Variants in NOL4 observed in about 807,000 individuals in gnomAD.
NOL4 encodes the protein cancer/testis antigen 125.
Under a neutral mutation model 75.9 loss-of-function variants are expected in NOL4, and 17 were observed. That is an observed-to-expected ratio of 0.22 (90% CI 0.15 to 0.34). NOL4 has a LOEUF of 0.34. Among genes scored for constraint, NOL4 ranks in the 10% least tolerant of loss-of-function variants. The probability of loss-of-function intolerance (pLI) is 1.00; values close to 1 mark genes in which losing one functional copy is unlikely to be tolerated. For synonymous variants in NOL4, 292 were observed against 289.9 expected (o/e 1.01, Z -0.07); for missense variants, 614 against 793.5 (o/e 0.77, Z 2.72).
chr18:33,927,220 G>C (rs1029265025), intron 9 of NOL4, among the ~76,000 whole-genome samples: 7 of 152,166 alleles, frequency 4.6e-5, no homozygotes, highest in African/African-American at 1.7e-4. Flanking sequence ...AACTGGAGAA[G>C]TGGTTTGATC....
chr18:34,185,708 T>TA (rs2034409898), intron 1 of NOL4, among the ~76,000 whole-genome samples: 3 of 152,138 alleles, frequency 2.0e-5, no homozygotes, highest in Admixed American at 2.0e-4. Context: ...TCTTTCACTT[T>TA]ATAGAGTGCA....
At chr18:34,049,815 A>G (rs1440962533) in intron 5 of NOL4, among the ~76,000 whole-genome samples, 1 of 152,098 alleles carries the variant, frequency 6.6e-6, no homozygotes, top group African/African-American at 2.4e-5. Flanking sequence ...ACAGGACTTT[A>G]TGGATGTCGC....
intron 10 of NOL4, among the ~76,000 whole-genome samples, chr18:33,858,933 A>C (rs976718519): frequency 4.6e-5 from 7 of 152,004 alleles, no homozygotes; most frequent in Non-Finnish European, 2.9e-5. Context: ...AATATCTCTA[A>C]ACTTTCAAGT....
At chr18:33,911,909 G>C (rs1182209289) in intron 9 of NOL4, among the ~76,000 whole-genome samples, 2 of 151,966 alleles carry the variant, frequency 1.3e-5, no homozygotes, top group Admixed American at 1.3e-4. Flanking sequence ...CCTGAGTTTA[G>C]ACCTTTTTGC....
Position 34,142,409 on chromosome 18 carries a change from T to C in NOL4, c.265-12389A>G, listed in dbSNP as rs567552699. ...ATGTTTATTGTGGCACTATTCACAA[T>C]AGCAAAGAATTGGAACCAACCCAAA... On this transcript the variant is annotated intron_variant, in intron 1 of 10. Coordinates refer to ENST00000261592, the MANE Select transcript of NOL4 (RefSeq NM_003787.5). 6.6e-5 allele frequency among the ~76,000 whole-genome samples: 10 copies of C among 152,240 alleles called. No homozygotes were observed. The East Asian group carries it at 1.7e-3, about 26-fold the overall frequency.
intron 1 of NOL4, among the ~76,000 whole-genome samples, chr18:34,149,065 C>T (rs778613960): frequency 6.6e-6 from 1 of 151,584 alleles, no homozygotes; most frequent in African/African-American, 2.4e-5. Flanking sequence ...TGTTTGACTG[C>T]AATTGAGAAG....
intron 6 of NOL4, among the ~76,000 whole-genome samples, chr18:34,007,022 T>C (rs2074066916): frequency 6.6e-6 from 1 of 152,008 alleles, no homozygotes; most frequent in Non-Finnish European, 1.5e-5. Flanking sequence ...TTCCCATGAC[T>C]TTATGCTCTG....
At chr18:33,980,833 T>C (rs1414012970) in intron 6 of NOL4, among the ~76,000 whole-genome samples, 2 of 151,842 alleles carry the variant, frequency 1.3e-5, no homozygotes, top group African/African-American at 4.8e-5. Context: ...AAGCATAACA[T>C]GAAGAGACAG....
intron 9 of NOL4, among the ~76,000 whole-genome samples, chr18:33,901,595 G>C (rs946974090): frequency 1.3e-5 from 2 of 152,036 alleles, no homozygotes; most frequent in Non-Finnish European, 2.9e-5. Context: ...AAAGGATTTT[G>C]ATATGGGGAA....
intron 10 of NOL4, among the ~76,000 whole-genome samples, chr18:33,861,923 C>A (rs544655930): frequency 1.3e-3 from 201 of 152,016 alleles, no homozygotes; most frequent in African/African-American, 4.1e-3. Flanking sequence ...AAACTACTTT[C>A]AAGTTCATAT....
chr18:33,974,912 A>C (rs2071372968), intron 6 of NOL4, among the ~76,000 whole-genome samples: 1 of 152,236 alleles, frequency 6.6e-6, no homozygotes, highest in East Asian at 1.9e-4. Flanking sequence ...AGGTGAAAGC[A>C]ATTCAACTGT....
At chr18:34,182,748 T>A (rs1018565943) in intron 1 of NOL4, among the ~76,000 whole-genome samples, 1 of 151,650 alleles carries the variant, frequency 6.6e-6, no homozygotes, top group East Asian at 1.9e-4. Flanking sequence ...CTTTCATTTT[T>A]AAAAAATAAT....
At chr18:33,904,411 A>G (rs555165699) in intron 9 of NOL4, among the ~76,000 whole-genome samples, 17 of 152,096 alleles carry the variant, frequency 1.1e-4, no homozygotes, top group African/African-American at 3.9e-4. Context: ...CCAGAAAAAA[A>G]CCTTAAAAAC....
At chr18:34,064,918 AACACACACAC>A (rs66465203) in intron 5 of NOL4, among the ~76,000 whole-genome samples, 8 of 95,450 alleles carry the variant, frequency 8.4e-5, no homozygotes, top group East Asian at 2.9e-4. Flanking sequence ...GGTATTTTTT[AACACACACAC>A]ACACACACAC....
chr18:34,059,122 C>CATAT (rs55773398), intron 5 of NOL4, among the ~76,000 whole-genome samples: 8,025 of 117,414 alleles, frequency 0.068, 304 homozygotes, highest in South Asian at 0.1. Context: ...GATAGATATA[C>CATAT]ATATATATAT....
At chr18:34,001,159 A>G (rs79512202) in intron 6 of NOL4, among the ~76,000 whole-genome samples, 1,777 of 152,248 alleles carry the variant, frequency 0.012, 32 homozygotes, top group African/African-American at 0.04. Flanking sequence ...ACTATATGAT[A>G]GATGGTTCAG....
chr18:34,102,567 A>G (rs927463316), intron 4 of NOL4, among the ~76,000 whole-genome samples: 2 of 152,054 alleles, frequency 1.3e-5, no homozygotes, highest in African/African-American at 4.8e-5. Flanking sequence ...TAATCTAGTT[A>G]TAAATTTTAA....
chr18:34,150,713 T>C (rs935950609), intron 1 of NOL4, among the ~76,000 whole-genome samples: 1 of 151,656 alleles, frequency 6.6e-6, no homozygotes, highest in Non-Finnish European at 1.5e-5. Flanking sequence ...AACACCAAAG[T>C]CATGATCCAT....
At chr18:34,087,159 GT>G (rs1261068273) in intron 5 of NOL4, among the ~76,000 whole-genome samples, 1 of 152,076 alleles carries the variant, frequency 6.6e-6, no homozygotes, top group Non-Finnish European at 1.5e-5. Flanking sequence ...AATTGTCTTA[GT>G]CATCCCATCT....
Sources: gnomAD v4.1 joint callset for allele counts (sites outside exome capture counted in the v4.1 genomes callset) on GRCh38, gnomAD v4.1.1 for gene constraint, MANE v1.5 for transcripts, NCBI Gene and HGNC (gene_info 2026-07-23, HGNC 2026-07-21) for gene names.